CPE: variants seen among roughly 807,000 people sequenced by gnomAD.
The protein encoded by CPE is carboxypeptidase E, also known as carbocypeptidase E.
In CPE, 17 loss-of-function variants were observed where a neutral mutation model predicts 53.5. That is an observed-to-expected ratio of 0.32 (90% confidence interval 0.22 to 0.48). CPE has a LOEUF of 0.48. CPE is among the 20% of genes least tolerant of loss of function. The pLI, the probability that CPE is intolerant of heterozygous loss-of-function variation, is 0.99. For missense variants in CPE, 524 were observed against 614.7 expected (o/e 0.85, Z 1.56); for synonymous variants, 226 against 228.8 (o/e 0.99, Z 0.11).
intron 1 of CPE, among the ~76,000 whole-genome samples, chr4:165,416,102 C>T (rs1043554135): frequency 6.6e-6 from 1 of 152,210 alleles, no homozygotes; most frequent in Non-Finnish European, 1.5e-5. Context: ...GCCAGCTCAG[C>T]TACTTCCCTA....
At chr4:165,392,601 T>G (rs1462173027) in intron 1 of CPE, among the ~76,000 whole-genome samples, 1 of 146,616 alleles carries the variant, frequency 6.8e-6, no homozygotes, top group Non-Finnish European at 1.5e-5. Flanking sequence ...CATTATTCCA[T>G]TACTATAGTA....
At chr4:165,475,209 AG>A (rs1287768544) in intron 3 of CPE, among the ~76,000 whole-genome samples, 2 of 152,210 alleles carry the variant, frequency 1.3e-5, no homozygotes, top group East Asian at 3.9e-4. Flanking sequence ...CAAATAAGTG[AG>A]ATCCTTAAAG....
At chr4:165,422,711 C>G (rs991859597) in intron 1 of CPE, among the ~76,000 whole-genome samples, 7 of 152,058 alleles carry the variant, frequency 4.6e-5, no homozygotes, top group African/African-American at 1.7e-4. Flanking sequence ...GGTGCGGTGG[C>G]TCAGGCCTGT....
intron 6 of CPE, among the ~76,000 whole-genome samples, chr4:165,488,854 A>AAG (rs1560897253): frequency 6.6e-6 from 1 of 152,106 alleles, no homozygotes; most frequent in East Asian, 1.9e-4. Flanking sequence ...TGCTCTAAAA[A>AAG]AAAAAAGAAG....
intron 1 of CPE, among the ~76,000 whole-genome samples, chr4:165,440,203 C>T (rs1247446711): frequency 2.0e-5 from 3 of 152,148 alleles, no homozygotes; most frequent in African/African-American, 7.2e-5. Context: ...ACCAGAAAAA[C>T]TCCTAATGTT....
At chr4:165,447,557 G>A (rs1213989195) in intron 1 of CPE, among the ~76,000 whole-genome samples, 2 of 149,022 alleles carry the variant, frequency 1.3e-5, no homozygotes, top group Non-Finnish European at 3.0e-5. Flanking sequence ...GGCGACAGAG[G>A]GAGACTCTGT....
intron 1 of CPE, among the ~76,000 whole-genome samples, chr4:165,416,738 T>A (rs749168307): frequency 3.3e-5 from 5 of 151,956 alleles, no homozygotes; most frequent in Non-Finnish European, 7.4e-5. Context: ...GATAGTGCGG[T>A]GGCCCCACAT....
intron 1 of CPE, among the ~76,000 whole-genome samples, chr4:165,390,150 G>T (rs1730657368): frequency 6.6e-6 from 1 of 152,182 alleles, no homozygotes. Flanking sequence ...TGGTGACCTT[G>T]AGGAGAGGTG....
At chr4:165,447,577 A>AC (rs1191177646) in intron 1 of CPE, among the ~76,000 whole-genome samples, 8 of 151,512 alleles carry the variant, frequency 5.3e-5, no homozygotes, top group East Asian at 1.9e-4. Context: ...TCTTTAAAAA[A>AC]AAAAAAAGAA....
intron 1 of CPE, among the ~76,000 whole-genome samples, chr4:165,395,840 A>C (rs1730755209): frequency 6.6e-6 from 1 of 152,216 alleles, no homozygotes; most frequent in Admixed American, 6.5e-5. Flanking sequence ...AAAAACCCCC[A>C]AAACACTTGT....
Position 165,404,084 on chromosome 4 carries a change from T to A in CPE, c.307+24556T>A, listed in dbSNP as rs377056219. On this transcript the variant is annotated intron_variant, in intron 1 of 8. Transcript: ENST00000402744. Reference sequence around the variant, plus strand: ...GCCTGCTCACTGATGAAACTTCTTGTTAGGGCTGTTAGTGTGGTCAGCTAG... The same window carrying A: ...GCCTGCTCACTGATGAAACTTCTTGATAGGGCTGTTAGTGTGGTCAGCTAG... 30 of 935,080 alleles carry A rather than the reference T, an allele frequency of 3.2e-5. 1 individual carries two copies. The highest frequency in any genetic ancestry group is 8.6e-5 in the Admixed American group (5 of 58,182). 57.9% of individuals were successfully genotyped at this position (935,080 alleles called of 1,614,324 possible).
intron 1 of CPE, among the ~76,000 whole-genome samples, chr4:165,422,318 T>A (rs963760923): frequency 4.0e-5 from 6 of 151,192 alleles, no homozygotes; most frequent in South Asian, 2.1e-4. Context: ...TATTATTTTT[T>A]AAATATATTT....
chr4:165,406,091 A>T, intron 1 of CPE: 1 of 758,438 alleles, frequency 1.3e-6, no homozygotes, highest in Non-Finnish European at 2.5e-6. Context: ...GGCACTTCTG[A>T]TTTGATCACT....
intron 1 of CPE, among the ~76,000 whole-genome samples, chr4:165,457,026 A>G (rs1356535127): frequency 6.6e-6 from 1 of 152,110 alleles, no homozygotes; most frequent in Non-Finnish European, 1.5e-5. Context: ...GGTATGAGCC[A>G]CTGTTCCAGG....
intron 1 of CPE, among the ~76,000 whole-genome samples, chr4:165,458,325 T>C (rs1288966494): frequency 6.6e-6 from 1 of 152,234 alleles, no homozygotes; most frequent in African/African-American, 2.4e-5. Context: ...AATTACACTA[T>C]TGTTTTTCAG....
intron 3 of CPE, among the ~76,000 whole-genome samples, chr4:165,476,390 A>G (rs906546271): frequency 6.6e-6 from 1 of 152,016 alleles, no homozygotes; most frequent in Non-Finnish European, 1.5e-5. Context: ...GCGCTTGCAC[A>G]GTGTGTTTAC....
intron 1 of CPE, among the ~76,000 whole-genome samples, chr4:165,384,678 T>G (rs1053119191): frequency 6.6e-6 from 1 of 152,174 alleles, no homozygotes; most frequent in Non-Finnish European, 1.5e-5. Flanking sequence ...GTGTTACACT[T>G]CCATTAGCCC....
At chr4:165,496,818 T>C (rs1487455546) in intron 8 of CPE, among the ~76,000 whole-genome samples, 2 of 152,246 alleles carry the variant, frequency 1.3e-5, no homozygotes, top group African/African-American at 4.8e-5. Flanking sequence ...CATGCTGAAC[T>C]GTATTCTTCC....
At chr4:165,391,325 T>C in intron 1 of CPE, among the ~76,000 whole-genome samples, 1 of 152,122 alleles carries the variant, frequency 6.6e-6, no homozygotes. Flanking sequence ...AATGCATTCA[T>C]GGGCTCCATA....
Sources: allele counts gnomAD v4.1 joint callset (sites outside exome capture counted in the v4.1 genomes callset), GRCh38; gene constraint gnomAD v4.1.1; transcripts MANE v1.5; gene names NCBI Gene and HGNC (gene_info 2026-07-23, HGNC 2026-07-21).